AGPS: variants seen among roughly 807,000 people sequenced by gnomAD.
AGPS encodes the protein alkylglycerone phosphate synthase, also known as alkyldihydroxyacetonephosphate synthase, peroxisomal.
Under a neutral mutation model 90.7 loss-of-function variants are expected in AGPS, and 26 were observed. That is an observed-to-expected ratio of 0.29 (90% CI 0.21 to 0.40). AGPS has a LOEUF of 0.40. Among genes scored for constraint, AGPS ranks in the 10% least tolerant of loss-of-function variants. AGPS has a pLI of 1.00. For missense variants in AGPS, 540 were observed against 816.1 expected (o/e 0.66, Z 4.12); for synonymous variants, 294 against 285.3 (o/e 1.03, Z -0.31).
At chr2:177,441,103 T>TAGAACAA in intron 6 of AGPS, 67 bp downstream of exon 6, 1 of 1,307,004 alleles carries the variant, frequency 7.7e-7, no homozygotes, top group Non-Finnish European at 1.1e-6. Context: ...GTATTTTAAA[T>TAGAACAA]ATTTGCGTCA....
chr2:177,456,620 T>G (rs1216182270), intron 8 of AGPS, among the ~76,000 whole-genome samples: 1 of 152,206 alleles, frequency 6.6e-6, no homozygotes, highest in Non-Finnish European at 1.5e-5. Context: ...GGTATCTGTA[T>G]CTTTTGCTTT....
chr2:177,432,300 A>G lies in AGPS; in HGVS notation c.351-2027A>G, dbSNP rs144531156. On this transcript the variant is annotated intron_variant, in intron 2 of 19. Transcript: ENST00000264167. ...CACCTTATATTTTACAACAAAAGCCATTTAATATTCTCAAACTAATCTTCA... is the reference window on the plus strand; with the variant it reads ...CACCTTATATTTTACAACAAAAGCCGTTTAATATTCTCAAACTAATCTTCA... Among the ~76,000 whole-genome samples, 234 of 152,380 alleles carry G rather than the reference A, an allele frequency of 1.5e-3. 1 individual carries two copies. The highest frequency in any genetic ancestry group is 5.3e-3 in the African/African-American group (221 of 41,594).
At chr2:177,505,191 C>T (rs1441773733) in intron 14 of AGPS, among the ~76,000 whole-genome samples, 1 of 151,822 alleles carries the variant, frequency 6.6e-6, no homozygotes. Context: ...ATGAGTGAGA[C>T]AGTAATAACA....
chr2:177,481,990 A>C, intron 10 of AGPS, 69 bp from the exon 11 acceptor site: 1 of 1,404,544 alleles, frequency 7.1e-7, no homozygotes, highest in Non-Finnish European at 9.7e-7. Context: ...TAATAGATTA[A>C]ATAGATTTAA....
At chr2:177,465,578 C>T (rs1687421774) in intron 9 of AGPS, among the ~76,000 whole-genome samples, 1 of 152,192 alleles carries the variant, frequency 6.6e-6, no homozygotes, top group Non-Finnish European at 1.5e-5. Context: ...AGTGTGGAGT[C>T]TGGCCACAGC....
chr2:177,461,952 A>C lies in AGPS; in HGVS notation c.930A>C (p.Val310=), dbSNP rs773876146. The change falls in exon 9 of 20, where the codon GTA becomes GTC. Residue 310 remains valine (V), a synonymous_variant. Transcript: ENST00000264167. ...CAGATTCCCTGGAGTTCAGTACTGT[A>C]GGAGGATGGGTATCTACTCGCGCAT... ...HEPDSLEFST[V]GGWVSTRASG... The C allele has an allele frequency of 2.0e-5, 32 of 1,612,974 alleles. No individual in the cohort carries two copies. Among genetic ancestry groups the C allele is most frequent in the Non-Finnish European group, 2.7e-5 (32 of 1,179,274 alleles).
rs1451412312 is a variant in AGPS, at chr2:177,460,467, ATTAG to A, written c.871-1422_871-1419del. On this transcript the variant is annotated intron_variant, in intron 8 of 19. Transcript: ENST00000264167. ...TTAAATGAATTAACACACTTAAAAA[ATTAG>A]TTAAAGTGTGTACTTAAAGATTTGC... Among the ~76,000 whole-genome samples, 5 of 152,228 alleles carry A rather than the reference ATTAG, an allele frequency of 3.3e-5. No individual in the cohort carries two copies. The South Asian group carries it at 6.2e-4, about 19-fold the overall frequency.
At chr2:177,459,819 A>AT (rs1687233750) in intron 8 of AGPS, among the ~76,000 whole-genome samples, 1 of 152,228 alleles carries the variant, frequency 6.6e-6, no homozygotes, top group Non-Finnish European at 1.5e-5. Flanking sequence ...TACTGGGTAT[A>AT]TACCCAAAGG....
rs1405755703 is a variant in AGPS at position 177,441,030 on chromosome 2, A to G, written c.703A>G (p.Ile235Val). Residue 235 changes from isoleucine (I) to valine (V), a missense_variant, in exon 6 of 20, where the codon ATT (isoleucine) becomes GTT (valine). Physicochemically the swap from Ile to Val is conservative, Grantham distance 29. Coordinates refer to ENST00000264167, the MANE Select transcript of AGPS (RefSeq NM_003659.4). ...ACKYNLCIIP[I>V]GGGTSVSYGL... ...CAAATATAATCTTTGTATCATACCA[A>G]TTGGTGGTAGGTATTGTGCCTTTTG... The G allele has an allele frequency of 8.1e-6, 13 of 1,610,208 alleles. No individual in the cohort carries two copies. The highest frequency in any genetic ancestry group is 2.2e-5 in the South Asian group (2 of 90,896).
intron 9 of AGPS, among the ~76,000 whole-genome samples, chr2:177,465,956 A>G (rs1687433643): frequency 6.6e-6 from 1 of 152,268 alleles, no homozygotes; most frequent in Non-Finnish European, 1.5e-5. Flanking sequence ...ACATCCAGGA[A>G]GAATGAGGTA....
Position 177,505,590 on chromosome 2 carries a change from A to ATT in AGPS, c.1545+17_1545+18dup. The ATT allele has an allele frequency of 6.3e-7, 1 of 1,599,322 alleles. No homozygotes were observed. Among genetic ancestry groups the ATT allele is most frequent in the Non-Finnish European group, 8.6e-7 (1 of 1,167,456 alleles). On this transcript the variant is annotated intron_variant, in intron 15 of 19. Coordinates refer to ENST00000264167, the MANE Select transcript of AGPS (RefSeq NM_003659.4). The stretch of plus-strand genomic sequence containing the variant: ...CATACATTCGAGTAAGTTATATCAT[A>ATT]TTTCCCTTGCCACTTAATTTATGTT...
At chr2:177,491,768 C>A (rs112020304) in intron 11 of AGPS, among the ~76,000 whole-genome samples, 5 of 119,294 alleles carry the variant, frequency 4.2e-5, no homozygotes, top group African/African-American at 6.6e-5. Context: ...CTTCCCCCCC[C>A]CCCCCTTTTT....
At chr2:177,434,467 C>T in intron 3 of AGPS, 50 bp downstream of exon 3, 1 of 1,337,354 alleles carries the variant, frequency 7.5e-7, no homozygotes, top group Non-Finnish European at 1.1e-6. Flanking sequence ...TTTTTAAAAC[C>T]CAAATTAATT....
At chr2:177,427,165 C>T (rs948517815) in intron 2 of AGPS, among the ~76,000 whole-genome samples, 16 of 152,096 alleles carry the variant, frequency 1.1e-4, no homozygotes, top group Non-Finnish European at 1.9e-4. Flanking sequence ...TGATAGTATT[C>T]TTTGATGATT....
intron 2 of AGPS, among the ~76,000 whole-genome samples, chr2:177,426,223 G>A (rs890418966): frequency 7.9e-5 from 12 of 152,134 alleles, no homozygotes; most frequent in African/African-American, 2.9e-4. Context: ...GAATACTAGT[G>A]ATTTTTGCAC....
chr2:177,497,031 T>G (rs1173304999), intron 12 of AGPS, among the ~76,000 whole-genome samples: 1 of 151,894 alleles, frequency 6.6e-6, no homozygotes, highest in Non-Finnish European at 1.5e-5. Flanking sequence ...ATCATAGGAG[T>G]TGAGTCGTTA....
At chr2:177,454,279 G>T (rs1028262242) in intron 8 of AGPS, among the ~76,000 whole-genome samples, 5 of 151,546 alleles carry the variant, frequency 3.3e-5, no homozygotes, top group African/African-American at 9.7e-5. Flanking sequence ...TTTAGTTCCT[G>T]TTGCTATGTC....
At chr2:177,526,164 A>G (rs1444725785) in intron 19 of AGPS, among the ~76,000 whole-genome samples, 2 of 152,106 alleles carry the variant, frequency 1.3e-5, no homozygotes, top group Non-Finnish European at 2.9e-5. Context: ...GAAAATGTTA[A>G]TTTATAAGAT....
chr2:177,489,376 G>T (rs1046763600), intron 11 of AGPS, among the ~76,000 whole-genome samples: 6 of 151,864 alleles, frequency 4.0e-5, no homozygotes, highest in African/African-American at 1.5e-4. Flanking sequence ...GAGCCACCGC[G>T]CCTGGCCAAG....
Sources: gnomAD v4.1 joint callset for allele counts (sites outside exome capture counted in the v4.1 genomes callset) on GRCh38, gnomAD v4.1.1 for gene constraint, MANE v1.5 for transcripts, NCBI Gene and HGNC (gene_info 2026-07-23, HGNC 2026-07-21) for gene names.